Variants in OPCML observed in about 807,000 individuals in gnomAD.
The protein encoded by OPCML is opioid binding protein/cell adhesion molecule like.
Under a neutral mutation model 37.8 loss-of-function variants are expected in OPCML, and 13 were observed. The ratio of observed to expected loss-of-function variants is 0.34; its 90% confidence interval spans 0.22 to 0.55. OPCML has a LOEUF of 0.55. Ranked by LOEUF, OPCML falls within the 20% of genes least tolerant of loss-of-function variation. The probability of loss-of-function intolerance (pLI) is 0.91; values close to 1 mark genes in which losing one functional copy is unlikely to be tolerated. For missense variants in OPCML, 341 were observed against 435.6 expected, an observed-to-expected ratio of 0.78 and a Z score of 1.93; for synonymous variants, 176 against 168.8, an observed-to-expected ratio of 1.04 and a Z score of -0.33.
intron 1 of OPCML, among the ~76,000 whole-genome samples, chr11:133,326,338 GTGTA>G (rs1234384585): frequency 9.6e-6 from 1 of 103,732 alleles, no homozygotes; most frequent in Non-Finnish European, 2.0e-5. Flanking sequence ...GAGTGGGTGT[GTGTA>G]TGTGTGTGTG....
At chr11:132,435,591 G>A in intron 7 of OPCML, among the ~76,000 whole-genome samples, 1 of 152,154 alleles carries the variant, frequency 6.6e-6, no homozygotes, top group African/African-American at 2.4e-5. Context: ...GAGAGGGTTT[G>A]CTGCTCCAGT....
At position 132,861,856 on chromosome 11, in the gene OPCML, AC is replaced by A. The variant is rs750213161; in HGVS notation, c.146+81069del. ...TCTCAAATAAAAAAAAAAAAAAAAA[AC>A]AAAAACTGTTTTTTTAATTTTACTC... On this transcript the variant is annotated intron_variant, in intron 2 of 7. Coordinates refer to ENST00000524381, the MANE Select transcript of OPCML (RefSeq NM_001012393.5). 7.4e-4 allele frequency among the ~76,000 whole-genome samples: 112 copies of A among 150,886 alleles called. 1 individual carries two copies. Among genetic ancestry groups the A allele is most frequent in the Middle Eastern group, 3.4e-3 (1 of 292 alleles).
Position 133,361,356 on chromosome 11 carries a change from A to G in OPCML, c.61+170908T>C, listed in dbSNP as rs76293882. The G allele has an allele frequency of 2.5e-3, 378 of 152,620 alleles. 12 individuals are homozygous for G. The East Asian group carries it at 0.053, about 22-fold the overall frequency. The allele number at this position is 152,620 out of a possible 1,614,324, so 9.5% of individuals were successfully genotyped here. A position where few individuals can be genotyped will look rare whatever the true frequency, so the allele number is the denominator to read the frequency against. On this transcript the variant is annotated intron_variant, in intron 1 of 7. Transcript: ENST00000524381. ...ATGCGGCCCCCCTTCCACACAGAGC[A>G]GGAAGAAGAGGAAGGCTGGGGCCAG...
chr11:132,527,289 C>A (rs2096311014), intron 4 of OPCML, among the ~76,000 whole-genome samples: 1 of 152,130 alleles, frequency 6.6e-6, no homozygotes, highest in Admixed American at 6.6e-5. Context: ...GTATGTTTAA[C>A]TTTATAACAA....
chr11:132,473,390 A>G (rs2096144235), intron 4 of OPCML, among the ~76,000 whole-genome samples: 1 of 152,190 alleles, frequency 6.6e-6, no homozygotes. Flanking sequence ...AGCCCTACCA[A>G]TTCCACAAAT....
chr11:132,840,276 C>T (rs569772942), intron 2 of OPCML, among the ~76,000 whole-genome samples: 3 of 152,264 alleles, frequency 2.0e-5, no homozygotes, highest in East Asian at 3.9e-4. Flanking sequence ...AAGATCAGAA[C>T]ATTTTACTTA....
chr11:132,489,805 G>A (rs567399209), intron 4 of OPCML, among the ~76,000 whole-genome samples: 114 of 152,248 alleles, frequency 7.5e-4, no homozygotes, highest in Non-Finnish European at 9.1e-4. Context: ...AGCCCCGCAT[G>A]CATTAGGTAT....
At chr11:132,559,498 C>T (rs977223042) in intron 3 of OPCML, among the ~76,000 whole-genome samples, 13 of 152,276 alleles carry the variant, frequency 8.5e-5, no homozygotes, top group East Asian at 5.8e-4. Context: ...AACCTCTGGA[C>T]GCCACCAGCT....
At chr11:133,161,218 C>G (rs955881981) in intron 1 of OPCML, among the ~76,000 whole-genome samples, 3 of 151,896 alleles carry the variant, frequency 2.0e-5, no homozygotes, top group Non-Finnish European at 4.4e-5. Flanking sequence ...ATTGCAGTGA[C>G]AAGATAAAAA....
chr11:132,723,914 G>T (rs772694549), intron 2 of OPCML, among the ~76,000 whole-genome samples: 11 of 152,212 alleles, frequency 7.2e-5, no homozygotes, highest in Non-Finnish European at 1.6e-4. Context: ...GAGGAAGTTG[G>T]TTCCCAGGCC....
intron 1 of OPCML, among the ~76,000 whole-genome samples, chr11:133,450,547 A>C (rs962839886): frequency 6.6e-6 from 1 of 151,674 alleles, no homozygotes; most frequent in African/African-American, 2.4e-5. Context: ...ATCTCTGAGA[A>C]AAATGGGACT....
intron 3 of OPCML, among the ~76,000 whole-genome samples, chr11:132,572,960 T>C (rs920531855): frequency 6.6e-6 from 1 of 151,990 alleles, no homozygotes; most frequent in Non-Finnish European, 1.5e-5. Flanking sequence ...TAAAAATTTT[T>C]CACCTCTATA....
intron 4 of OPCML, among the ~76,000 whole-genome samples, chr11:132,501,399 TA>T (rs1187423222): frequency 6.6e-6 from 1 of 152,224 alleles, no homozygotes; most frequent in Non-Finnish European, 1.5e-5. Flanking sequence ...TCCCTTTATC[TA>T]AGTGGATTCC....
intron 2 of OPCML, among the ~76,000 whole-genome samples, chr11:132,685,116 G>A (rs973482053): frequency 2.0e-5 from 3 of 152,080 alleles, no homozygotes; most frequent in African/African-American, 7.2e-5. Context: ...GGCTATCTTT[G>A]GATTTGATTT....
intron 1 of OPCML, among the ~76,000 whole-genome samples, chr11:133,506,068 A>G (rs1390536087): frequency 6.6e-6 from 1 of 152,252 alleles, no homozygotes; most frequent in Non-Finnish European, 1.5e-5. Flanking sequence ...GTCTTACATT[A>G]GCAAGATATT....
At chr11:132,854,400 A>C (rs974880565) in intron 2 of OPCML, among the ~76,000 whole-genome samples, 2 of 152,140 alleles carry the variant, frequency 1.3e-5, no homozygotes, top group African/African-American at 2.4e-5. Flanking sequence ...TAAATCATTG[A>C]CCATTGGTGA....
rs1221900730 is a variant in OPCML at position 132,961,944 on chromosome 11, CCTCT to C, written c.62-18938_62-18935del. ...TCCAGTTTCCTCTGCAAAAGCACTC[CCTCT>C]GTCTTCTGGATGCCCTCAGAATTCT... On this transcript the variant is annotated intron_variant, in intron 1 of 7. Transcript: ENST00000524381. Among the ~76,000 whole-genome samples, 11 of 152,336 alleles carry C rather than the reference CCTCT, an allele frequency of 7.2e-5. No individual in the cohort carries two copies. In the East Asian group the frequency reaches 1.4e-3, roughly 19 times the overall value.
chr11:132,804,263 C>T (rs569439213), intron 2 of OPCML, among the ~76,000 whole-genome samples: 97 of 152,272 alleles, frequency 6.4e-4, no homozygotes, highest in African/African-American at 2.2e-3. Flanking sequence ...AACCACATTG[C>T]ATGAAGTCGG....
chr11:133,243,662 C>A (rs1940812786), intron 1 of OPCML, among the ~76,000 whole-genome samples: 1 of 152,300 alleles, frequency 6.6e-6, no homozygotes, highest in Admixed American at 6.5e-5. Flanking sequence ...TCAGTCTTTA[C>A]TTTCTTTAGG....
Sources: gnomAD v4.1 joint callset for allele counts (sites outside exome capture counted in the v4.1 genomes callset) on GRCh38, gnomAD v4.1.1 for gene constraint, MANE v1.5 for transcripts, NCBI Gene and HGNC (gene_info 2026-07-23, HGNC 2026-07-21) for gene names.